The following KNDC1 variants were observed in gnomAD, a reference collection of about 807,000 sequenced individuals.
KNDC1 encodes kinase non-catalytic C-lobe domain containing 1.
A neutral mutation model predicts 172.8 loss-of-function variants in KNDC1; 106 were observed. The observed-to-expected ratio is 0.61, with a 90% confidence interval of 0.52 to 0.72. The LOEUF (loss-of-function observed/expected upper bound fraction) is 0.72. Ranked by LOEUF, KNDC1 falls within the 30% of genes least tolerant of loss-of-function variation. The probability of loss-of-function intolerance (pLI) is 0.00; values close to 1 mark genes in which losing one functional copy is unlikely to be tolerated. For synonymous variants in KNDC1, 1,083 were observed against 1,062.2 expected (o/e 1.02, Z -0.38); for missense variants, 2,325 against 2,394.5 (o/e 0.97, Z 0.61).
intron 3 of KNDC1, among the ~76,000 whole-genome samples, chr10:133,174,833 C>T (rs922087242): frequency 3.1e-5 from 4 of 128,216 alleles, no homozygotes; most frequent in Non-Finnish European, 6.6e-5. Flanking sequence ...TGGATGGATG[C>T]GTGGATGAAC....
At chr10:133,217,816 T>G (rs34953344) in intron 26 of KNDC1, among the ~76,000 whole-genome samples, 1 of 102,062 alleles carries the variant, frequency 9.8e-6, no homozygotes, top group Non-Finnish European at 2.0e-5. Context: ...AATTATCACA[T>G]CTGTAATCCC....
chr10:133,165,424 C>T (rs1167925906), intron 1 of KNDC1, among the ~76,000 whole-genome samples: 3 of 152,218 alleles, frequency 2.0e-5, no homozygotes, highest in Non-Finnish European at 2.9e-5. Flanking sequence ...ATTCTGTGGG[C>T]TGGCGGCAGG....
chr10:133,218,706 TTC>T (rs1845518317), intron 26 of KNDC1, 123 bp from the exon 27 acceptor site: 2 of 1,293,648 alleles, frequency 1.5e-6, no homozygotes, highest in Non-Finnish European at 2.1e-6. Context: ...GCCGCTTCCT[TTC>T]CACACACGTG....
chr10:133,206,847 C>T lies in KNDC1; in HGVS notation c.3482-9C>T, dbSNP rs762181028. The T allele has an allele frequency of 2.8e-5, 45 of 1,613,850 alleles. No homozygotes were observed. The highest frequency in any genetic ancestry group is 3.8e-5 in the Non-Finnish European group (45 of 1,179,860). ...AGCCCGGCCCCCACCCACTCTGCTCCACCCACAGGTTCCGACGTCAAGACC... is the reference window on the plus strand; with the variant it reads ...AGCCCGGCCCCCACCCACTCTGCTCTACCCACAGGTTCCGACGTCAAGACC... On this transcript the variant is annotated splice_polypyrimidine_tract_variant and intron_variant, in intron 18 of 29. Coordinates refer to ENST00000304613, the MANE Select transcript of KNDC1 (RefSeq NM_152643.8).
At position 133,211,652 on chromosome 10, in the gene KNDC1, C is replaced by A. The variant is rs369114673; in HGVS notation, c.4057-27C>A. On this transcript the variant is annotated intron_variant, in intron 22 of 29. Coordinates refer to ENST00000304613, the MANE Select transcript of KNDC1 (RefSeq NM_152643.8). ...GCCCTCCTCCAGAAGGTGGCAGTGACCCCCCCACCACTGTGCTTCTGCCTA... is the reference window on the plus strand; with the variant it reads ...GCCCTCCTCCAGAAGGTGGCAGTGAACCCCCCACCACTGTGCTTCTGCCTA... 5 of 1,585,808 alleles carry A rather than the reference C, an allele frequency of 3.2e-6. No individual in the cohort carries two copies. The African/African-American group carries it at 4.0e-5, about 13-fold the overall frequency.
At chr10:133,161,442 A>G (rs541264287) in intron 1 of KNDC1, among the ~76,000 whole-genome samples, 427 of 152,236 alleles carry the variant, frequency 2.8e-3, no homozygotes, top group Non-Finnish European at 4.5e-3. Flanking sequence ...GTAAGCCTGG[A>G]GCAGGGAATC....
At chr10:133,214,568 C>T (rs1457693721) in intron 26 of KNDC1, among the ~76,000 whole-genome samples, 1 of 152,250 alleles carries the variant, frequency 6.6e-6, no homozygotes, top group Non-Finnish European at 1.5e-5. Context: ...CCGCCACACA[C>T]CCCACTCCAC....
At chr10:133,168,697 G>T (rs572545933) in intron 3 of KNDC1, among the ~76,000 whole-genome samples, 1 of 152,346 alleles carries the variant, frequency 6.6e-6, no homozygotes, top group African/African-American at 2.4e-5. Context: ...GTGATGATCG[G>T]CAGGGAATCA....
Position 133,221,608 on chromosome 10 carries a change from T to C in KNDC1, c.5018+1496T>C, listed in dbSNP as rs542946502. Among the ~76,000 whole-genome samples, 950 of 152,340 alleles carry C rather than the reference T, an allele frequency of 6.2e-3. 8 individuals are homozygous for C. Among genetic ancestry groups the C allele is most frequent in the African/African-American group, 0.022 (907 of 41,576 alleles). On this transcript the variant is annotated intron_variant, in intron 29 of 29. Transcript: ENST00000304613. ...CGGCTCCACCCTCCCCCACGGTAGA[T>C]GGCCTCACTTGGGGAGCAATGCTCA...
In KNDC1 at chr10:133,198,843, G is replaced by C. The variant is rs574241324; in HGVS notation, c.2335G>C (p.Gly779Arg). Residue 779 changes from glycine (G) to arginine (R), a missense_variant, in exon 14 of 30, where the codon GGC becomes CGC. Coordinates refer to ENST00000304613, the MANE Select transcript of KNDC1 (RefSeq NM_152643.8). ...QPEGASSAAP[G>R]SPVPAPPTKA... The stretch of plus-strand genomic sequence containing the variant: ...AGAGGGGGCCTCATCGGCAGCTCCC[G>C]GCTCTCCAGTCCCCGCCCCGCCCAC... The C allele has an allele frequency of 3.5e-5, 56 of 1,599,156 alleles. No homozygotes were observed. The South Asian group carries it at 5.7e-4, about 16-fold the overall frequency.
chr10:133,191,482 C>T (rs1281986261), intron 9 of KNDC1, among the ~76,000 whole-genome samples: 1 of 152,140 alleles, frequency 6.6e-6, no homozygotes, highest in Non-Finnish European at 1.5e-5. Flanking sequence ...GGTCGATCAC[C>T]TGACGTTAGG....
intron 9 of KNDC1, among the ~76,000 whole-genome samples, chr10:133,190,370 ACACCCTGCACTAAACACCCTGCAGTAAG>A (rs1854045790): frequency 7.0e-6 from 1 of 142,014 alleles, no homozygotes; most frequent in Non-Finnish European, 1.6e-5. Flanking sequence ...CACTAAACAA[ACACCCTGCACTAAACACCCTGCAGTAAG>A]CACCCTGCAC....
intron 9 of KNDC1, among the ~76,000 whole-genome samples, chr10:133,193,457 G>A (rs1421241348): frequency 2.0e-5 from 3 of 152,168 alleles, no homozygotes; most frequent in Non-Finnish European, 4.4e-5. Flanking sequence ...TCTGGGAGGT[G>A]GAGGCTGCAG....
At chr10:133,199,991 C>A (rs1306144611) in intron 15 of KNDC1, among the ~76,000 whole-genome samples, 1 of 152,138 alleles carries the variant, frequency 6.6e-6, no homozygotes. Context: ...CCCACAGGGC[C>A]CAGCACTGAG....
chr10:133,198,538 G>C (rs368452291), intron 13 of KNDC1, 39 bp downstream of exon 13: 1 of 1,580,760 alleles, frequency 6.3e-7, no homozygotes, highest in Non-Finnish European at 8.6e-7. Flanking sequence ...GCTGGGTCCC[G>C]GGCGCAGGCA....
At chr10:133,183,754 G>C (rs1853795037) in intron 4 of KNDC1, 118 bp from the exon 5 acceptor site, 5 of 883,482 alleles carry the variant, frequency 5.7e-6, no homozygotes, top group Non-Finnish European at 6.9e-6. Context: ...GGCAGGCGCA[G>C]GCAGGCTCTG....
chr10:133,168,281 C>G lies in KNDC1; in HGVS notation c.329C>G (p.Pro110Arg). 1 of 1,614,172 alleles carries G rather than the reference C, an allele frequency of 6.2e-7. No homozygotes were observed. Among genetic ancestry groups the G allele is most frequent in the Non-Finnish European group, 8.5e-7 (1 of 1,180,022 alleles). ...SDDPEGAFVP[P>R]EFDVTGNTFE... ...GACCCTGAGGGTGCCTTCGTTCCCC[C>G]CGAGTTCGACGTGACCGGGAACACC... is the stretch of plus-strand genomic sequence containing the variant. The change falls in exon 3 of 30, where the codon CCC (proline) becomes CGC (arginine). Residue 110 changes from proline to arginine, a missense_variant. By Grantham distance (103) the Pro-to-Arg change is moderately radical (BLOSUM62 -2). Coordinates refer to ENST00000304613, the MANE Select transcript of KNDC1 (RefSeq NM_152643.8).
chr10:133,169,563 TGCCCCAGGAGGCCTCTGCTGC>T (rs923470417), intron 3 of KNDC1, among the ~76,000 whole-genome samples: 57 of 152,330 alleles, frequency 3.7e-4, no homozygotes, highest in African/African-American at 1.3e-3. Flanking sequence ...GTGGGCAGGG[TGCCCCAGGAGGCCTCTGCTGC>T]GGGGGTCCTA....
chr10:133,195,892 T>C, intron 10 of KNDC1, 71 bp downstream of exon 10: 1 of 1,397,924 alleles, frequency 7.2e-7, no homozygotes, highest in Non-Finnish European at 9.4e-7. Flanking sequence ...CTCGCTGAGC[T>C]GGGGGTGGAG....
Sources: gnomAD v4.1 joint callset for allele counts (sites outside exome capture counted in the v4.1 genomes callset) on GRCh38, gnomAD v4.1.1 for gene constraint, MANE v1.5 for transcripts, NCBI Gene and HGNC (gene_info 2026-07-23, HGNC 2026-07-21) for gene names.